The following SPECC1 variants were observed in gnomAD, a reference collection of about 807,000 sequenced individuals.
SPECC1 encodes cytospin-B.
In SPECC1, 62 loss-of-function variants were observed where a neutral mutation model predicts 104.1. The observed-to-expected ratio is 0.60, with a 90% CI of 0.49 to 0.74. The LOEUF (loss-of-function observed/expected upper bound fraction) is 0.74, where lower values mean the gene tolerates loss of function less well. Among genes scored for constraint, SPECC1 ranks in the 30% least tolerant of loss-of-function variants. The pLI is 0.00. For missense variants in SPECC1, 1,306 were observed against 1,310.5 expected (o/e 1.00, Z 0.05); for synonymous variants, 513 against 501.6 (o/e 1.02, Z -0.30).
At chr17:20,247,150 A>G in intron 8 of SPECC1, 69 bp from the exon 9 acceptor site, 1 of 1,264,272 alleles carries the variant, frequency 7.9e-7, no homozygotes, top group Non-Finnish European at 1.1e-6. Flanking sequence ...GTAACAAGAA[A>G]TCAGGAACAA....
At chr17:20,210,086 G>A (rs1051529876) in intron 4 of SPECC1, among the ~76,000 whole-genome samples, 1 of 152,168 alleles carries the variant, frequency 6.6e-6, no homozygotes, top group African/African-American at 2.4e-5. Flanking sequence ...GAGCCAAACT[G>A]ATTTAGAGTG....
intron 9 of SPECC1, among the ~76,000 whole-genome samples, chr17:20,251,927 C>T (rs545005083): frequency 6.6e-6 from 1 of 152,188 alleles, no homozygotes; most frequent in South Asian, 2.1e-4. Flanking sequence ...GCCATCTGTC[C>T]CCAGAGCCAC....
chr17:20,269,465 G>A (rs1030896054), intron 12 of SPECC1, among the ~76,000 whole-genome samples: 6 of 152,204 alleles, frequency 3.9e-5, no homozygotes, highest in Admixed American at 1.3e-4. Flanking sequence ...CAGTCTTGTT[G>A]CCCAGGCTGG....
intron 1 of SPECC1, among the ~76,000 whole-genome samples, chr17:20,051,173 C>CTTCTTTCCTTCTTTCA (rs1567813609): frequency 1.8e-5 from 2 of 108,580 alleles, no homozygotes; most frequent in African/African-American, 7.2e-5. Context: ...TCCTTCTTTC[C>CTTCTTTCCTTCTTTCA]TTCTTTCTTT....
intron 13 of SPECC1, among the ~76,000 whole-genome samples, chr17:20,301,177 C>T (rs115291174): frequency 0.011 from 1,685 of 152,152 alleles, 23 homozygotes; most frequent in African/African-American, 0.038. Flanking sequence ...TTCAAAGTAA[C>T]GTATCCCAAC....
In SPECC1 at chr17:20,313,959, A is replaced by G. The variant is rs775136227; in HGVS notation, c.3118-17A>G. ...TGTCCTGCCTTGTGATCTGTCCCCC[A>G]TTCCCTTCCCCTGCAGGAACTCAGC... On this transcript the variant is annotated splice_polypyrimidine_tract_variant and intron_variant, in intron 14 of 14. Transcript: ENST00000395527. 6.2e-7 allele frequency: 1 copy of G among 1,613,122 alleles called. No homozygotes were observed. The highest frequency in any genetic ancestry group is 1.7e-5 in the Admixed American group (1 of 59,972).
rs147222674 is a variant in SPECC1 at position 20,139,087 on chromosome 17, C to G, written c.283+28525C>G. 1.6e-3 allele frequency among the ~76,000 whole-genome samples: 240 copies of G among 152,332 alleles called. 2 individuals carry two copies. Among genetic ancestry groups the G allele is most frequent in the African/African-American group, 5.4e-3 (225 of 41,578 alleles). The stretch of plus-strand genomic sequence containing the variant: ...TACTCATTCTCTACAAGTGGAGGAG[C>G]TATGGAGTGACAGGATTGGAAGACT... On this transcript the variant is annotated intron_variant, in intron 3 of 14. Coordinates refer to ENST00000395527, the MANE Select transcript of SPECC1 (RefSeq NM_001243439.2).
At chr17:20,154,004 G>A (rs1238849488) in intron 3 of SPECC1, among the ~76,000 whole-genome samples, 6 of 152,188 alleles carry the variant, frequency 3.9e-5, no homozygotes. Flanking sequence ...ATAGATTACA[G>A]AAATAAAACT....
chr17:20,059,728 A>C (rs1391688433), intron 1 of SPECC1, among the ~76,000 whole-genome samples: 1 of 152,144 alleles, frequency 6.6e-6, no homozygotes, highest in African/African-American at 2.4e-5. Context: ...TTAGCTGGGC[A>C]TGGTGGGCCT....
intron 1 of SPECC1, among the ~76,000 whole-genome samples, chr17:20,030,681 A>G (rs2044772789): frequency 6.6e-6 from 1 of 152,174 alleles, no homozygotes; most frequent in African/African-American, 2.4e-5. Context: ...CTTTACTGCT[A>G]TGCTTCAATT....
At chr17:20,215,359 T>C (rs1051838997) in intron 4 of SPECC1, among the ~76,000 whole-genome samples, 7 of 152,224 alleles carry the variant, frequency 4.6e-5, no homozygotes, top group Non-Finnish European at 1.0e-4. Context: ...GAAAACTTGA[T>C]TGAATGGACT....
Position 20,259,864 on chromosome 17 carries a change from GT to G in SPECC1, c.2838-327del, listed in dbSNP as rs1288891328. On this transcript the variant is annotated intron_variant, in intron 11 of 14. Transcript: ENST00000395527. ...CTGGTTTAGTCTTGAAACATGTAGG[GT>G]GTGTTTTGTTTACGTATCTTTAATT... Among the ~76,000 whole-genome samples the G allele has an allele frequency of 2.6e-5, 4 of 152,068 alleles. No individual in the cohort carries two copies. The East Asian group carries it at 7.7e-4, about 29-fold the overall frequency.
intron 1 of SPECC1, among the ~76,000 whole-genome samples, chr17:20,023,439 T>C (rs9912657): frequency 0.069 from 10,496 of 152,218 alleles, 982 homozygotes; most frequent in African/African-American, 0.21. Flanking sequence ...TTCAGCTTAA[T>C]GTCTGGGTGG....
intron 1 of SPECC1, among the ~76,000 whole-genome samples, chr17:20,071,124 C>T (rs116735524): frequency 0.016 from 2,361 of 152,108 alleles, 55 homozygotes; most frequent in African/African-American, 0.053. Context: ...CTTGATCTCC[C>T]GGGCTCAAGC....
At chr17:20,212,411 C>G (rs992214684) in intron 4 of SPECC1, among the ~76,000 whole-genome samples, 2 of 152,230 alleles carry the variant, frequency 1.3e-5, no homozygotes, top group Non-Finnish European at 2.9e-5. Flanking sequence ...ATGAACTTAA[C>G]AGTTCCACTT....
chr17:20,238,836 A>T lies in SPECC1; in HGVS notation c.2351+6431A>T, dbSNP rs189458886. On this transcript the variant is annotated intron_variant, in intron 7 of 14. Coordinates refer to ENST00000395527, the MANE Select transcript of SPECC1 (RefSeq NM_001243439.2). ...TTGACCTGTCGTTAGGTACTGTTGA[A>T]TATTTTTATCTGTAAGCATTTATGA... 8.1e-4 allele frequency: 851 copies of T among 1,045,600 alleles called. 2 individuals are homozygous for T. The highest frequency in any genetic ancestry group is 1.3e-3 in the Middle Eastern group (3 of 2,282). 64.8% of individuals were successfully genotyped at this position (1,045,600 alleles called of 1,614,324 possible).
At chr17:20,131,387 G>A (rs936668538) in intron 3 of SPECC1, among the ~76,000 whole-genome samples, 5 of 151,632 alleles carry the variant, frequency 3.3e-5, no homozygotes, top group Admixed American at 6.6e-5. Context: ...CCATGTTGGC[G>A]AGGCTGGTTT....
Position 20,188,796 on chromosome 17 carries a change from G to A in SPECC1, c.284-15537G>A, listed in dbSNP as rs78761149. Reference sequence around the variant, plus strand: ...TAGTAAACTCCGATTCAAAGGATACGGACGATTCCTTAAATTTCTTTGTGT... The same window carrying A: ...TAGTAAACTCCGATTCAAAGGATACAGACGATTCCTTAAATTTCTTTGTGT... On this transcript the variant is annotated intron_variant, in intron 3 of 14. Coordinates refer to ENST00000395527, the MANE Select transcript of SPECC1 (RefSeq NM_001243439.2). Among the ~76,000 whole-genome samples, 1,044 of 152,174 alleles carry A rather than the reference G, an allele frequency of 6.9e-3. 11 individuals carry two copies. Among genetic ancestry groups the A allele is most frequent in the African/African-American group, 0.024 (976 of 41,508 alleles).
At chr17:20,024,071 G>A (rs2044504979) in intron 1 of SPECC1, among the ~76,000 whole-genome samples, 1 of 152,122 alleles carries the variant, frequency 6.6e-6, no homozygotes, top group Non-Finnish European at 1.5e-5. Context: ...TTCCAGAATC[G>A]TTTGCTATTA....
Sources: allele counts gnomAD v4.1 joint callset (sites outside exome capture counted in the v4.1 genomes callset), GRCh38; gene constraint gnomAD v4.1.1; transcripts MANE v1.5; gene names NCBI Gene and HGNC (gene_info 2026-07-23, HGNC 2026-07-21).